LGR6: variants seen among roughly 807,000 people sequenced by gnomAD.
The protein encoded by LGR6 is leucine-rich repeat-containing G protein-coupled receptor 6.
Under a neutral mutation model 69.4 loss-of-function variants are expected in LGR6, and 45 were observed. That is an observed-to-expected ratio of 0.65 (90% CI 0.51 to 0.83). LGR6 has a LOEUF of 0.83. Among genes scored for constraint, LGR6 ranks in the 40% least tolerant of loss-of-function variants. The probability of loss-of-function intolerance (pLI) is 0.00; values close to 1 mark genes in which losing one functional copy is unlikely to be tolerated. For synonymous variants in LGR6, 538 were observed against 555.0 expected, an observed-to-expected ratio of 0.97 and a Z score of 0.43; for missense variants, 1,108 against 1,246.7, an observed-to-expected ratio of 0.89 and a Z score of 1.68.
At chr1:202,194,325 C>G (rs560314850) in intron 1 of LGR6, 124 bp downstream of exon 1, 1 of 654,276 alleles carries the variant, frequency 1.5e-6, no homozygotes, top group East Asian at 3.1e-5. Context: ...GAGGGTTTGC[C>G]CCCTTCCAAG....
At chr1:202,218,076 G>A (rs1014808748) in intron 1 of LGR6, among the ~76,000 whole-genome samples, 3 of 152,188 alleles carry the variant, frequency 2.0e-5, no homozygotes, top group African/African-American at 7.2e-5. Flanking sequence ...AAGTGGGGAG[G>A]CTGTGCTAGA....
intron 1 of LGR6, chr1:202,197,013 G>A (rs1432293145): frequency 1.9e-6 from 1 of 532,820 alleles, no homozygotes; most frequent in Non-Finnish European, 3.9e-6. Context: ...TAAAACACTT[G>A]GACATGCAGG....
intron 16 of LGR6, among the ~76,000 whole-genome samples, chr1:202,310,899 A>G (rs1653672927): frequency 6.6e-6 from 1 of 152,042 alleles, no homozygotes; most frequent in Admixed American, 6.5e-5. Context: ...TGAAAGTGAG[A>G]CTTCCGTGGC....
In LGR6 at chr1:202,318,766, C is replaced by T. The variant is rs1654384729; in HGVS notation, c.2463C>T (p.Cys821=). ...VLLVVLPLPA[C]LNPLLYLLFN... The stretch of plus-strand genomic sequence containing the variant: ...TGGTGGTGCTGCCCCTGCCTGCCTG[C>T]CTCAACCCACTGCTGTACCTGCTCT... The change falls in exon 18 of 18, where the codon TGC becomes TGT. Residue 821 remains cysteine, a synonymous_variant. Transcript: ENST00000367278. The T allele has an allele frequency of 1.5e-5, 25 of 1,613,714 alleles. No individual in the cohort carries two copies. The highest frequency in any genetic ancestry group is 2.1e-5 in the Non-Finnish European group (25 of 1,180,032).
chr1:202,232,941 T>C (rs966910845), intron 3 of LGR6, among the ~76,000 whole-genome samples: 24 of 152,134 alleles, frequency 1.6e-4, no homozygotes, highest in African/African-American at 5.8e-4. Context: ...TATAACCCAG[T>C]TGTAGTTCAA....
chr1:202,196,430 G>A (rs540581465), intron 1 of LGR6, among the ~76,000 whole-genome samples: 1 of 152,184 alleles, frequency 6.6e-6, no homozygotes, highest in Non-Finnish European at 1.5e-5. Context: ...GAGATGTCCA[G>A]CTTGGCCCTG....
At chr1:202,306,713 T>G in intron 12 of LGR6, 155 bp from the exon 13 acceptor site, 1 of 722,828 alleles carries the variant, frequency 1.4e-6, no homozygotes, top group South Asian at 1.5e-5. Flanking sequence ...CCCCTTGTGC[T>G]CCCTTTAATT....
At chr1:202,211,641 G>A (rs1018925180) in intron 1 of LGR6, among the ~76,000 whole-genome samples, 12 of 152,240 alleles carry the variant, frequency 7.9e-5, no homozygotes, top group Admixed American at 3.9e-4. Context: ...GATTACAGGC[G>A]TGAGCCACTG....
At chr1:202,245,150 C>G (rs1443411662) in intron 4 of LGR6, among the ~76,000 whole-genome samples, 1 of 152,234 alleles carries the variant, frequency 6.6e-6, no homozygotes, top group Non-Finnish European at 1.5e-5. Flanking sequence ...TAGGGCCCAG[C>G]CGAGGGGTCC....
At chr1:202,308,624 C>T (rs1046781978) in intron 14 of LGR6, among the ~76,000 whole-genome samples, 8 of 152,152 alleles carry the variant, frequency 5.3e-5, no homozygotes, top group Non-Finnish European at 1.2e-4. Context: ...CTTATATCAT[C>T]AGAAAAGTAG....
chr1:202,205,435 AC>A (rs1558005095), intron 1 of LGR6, among the ~76,000 whole-genome samples: 3 of 42,136 alleles, frequency 7.1e-5, no homozygotes, highest in South Asian at 7.5e-4. Flanking sequence ...CCTAACACAC[AC>A]CTCCTTCAAA....
chr1:202,273,461 G>GTT (rs747952963), intron 4 of LGR6, among the ~76,000 whole-genome samples: 8 of 141,014 alleles, frequency 5.7e-5, no homozygotes, highest in Non-Finnish European at 9.4e-5. Flanking sequence ...GTTTTTTTTT[G>GTT]TTTTTTTTTT....
At position 202,253,083 on chromosome 1, in the gene LGR6, T is replaced by C. The variant is rs560504639; in HGVS notation, c.428+17090T>C. Among the ~76,000 whole-genome samples the C allele has an allele frequency of 2.0e-5, 3 of 152,348 alleles. No homozygotes were observed. In the South Asian group the frequency reaches 6.2e-4, roughly 32 times the overall value. ...TAGCTGGAAGGGTGATGTTTGATTT[T>C]AGGGTCTCTGAAAATAGTGCTGCTT... On this transcript the variant is annotated intron_variant, in intron 4 of 17. Coordinates refer to ENST00000367278, the MANE Select transcript of LGR6 (RefSeq NM_001017403.2).
intron 4 of LGR6, among the ~76,000 whole-genome samples, chr1:202,238,020 A>G (rs1207893469): frequency 6.6e-6 from 1 of 150,652 alleles, no homozygotes; most frequent in Non-Finnish European, 1.5e-5. Flanking sequence ...GCTATAATGT[A>G]TGATGATGTT....
chr1:202,227,235 A>C (rs1231420484), intron 2 of LGR6, among the ~76,000 whole-genome samples: 2 of 152,196 alleles, frequency 1.3e-5, no homozygotes, highest in Admixed American at 1.3e-4. Context: ...TCTTGGTAGG[A>C]ACTGATGCAC....
chr1:202,303,210 GA>G, intron 9 of LGR6, 68 bp from the exon 10 acceptor site: 1 of 1,182,146 alleles, frequency 8.5e-7, no homozygotes, highest in African/African-American at 1.5e-5. Flanking sequence ...AGACAAAATG[GA>G]GAATTGAGAG....
Position 202,318,390 on chromosome 1 carries a change from T to C in LGR6, c.2087T>C (p.Leu696Pro). Reference sequence around the variant, plus strand: ...GCAGGGGTCCTAGGCTGCCTGGCACTGGCAGGGCTGGCCGCCGCGCTGCCC... The same window carrying C: ...GCAGGGGTCCTAGGCTGCCTGGCACCGGCAGGGCTGGCCGCCGCGCTGCCC... ...VRAGVLGCLA[L>P]AGLAAALPLA... The change falls in exon 18 of 18, where the codon CTG becomes CCG. Residue 696 changes from leucine (L) to proline (P), a missense_variant. Transcript: ENST00000367278. 1 of 1,603,648 alleles carries C rather than the reference T, an allele frequency of 6.2e-7. No individual in the cohort carries two copies. The highest frequency in any genetic ancestry group is 8.5e-7 in the Non-Finnish European group (1 of 1,175,320).
At chr1:202,306,584 C>T (rs1361199020) in intron 12 of LGR6, among the ~76,000 whole-genome samples, 2 of 152,132 alleles carry the variant, frequency 1.3e-5, no homozygotes, top group African/African-American at 2.4e-5. Flanking sequence ...GGTGTGGGGG[C>T]CAGTTTGGCT....
At chr1:202,274,101 A>G (rs2148153486) in intron 4 of LGR6, among the ~76,000 whole-genome samples, 1 of 152,194 alleles carries the variant, frequency 6.6e-6, no homozygotes, top group Non-Finnish European at 1.5e-5. Flanking sequence ...TCACCACAAT[A>G]GAATGGGGTG....
Sources: allele counts gnomAD v4.1 joint callset (sites outside exome capture counted in the v4.1 genomes callset), GRCh38; gene constraint gnomAD v4.1.1; transcripts MANE v1.5; gene names NCBI Gene and HGNC (gene_info 2026-07-23, HGNC 2026-07-21).